ZNF454: variants seen among roughly 807,000 people sequenced by gnomAD.
ZNF454 encodes the protein zinc finger protein 454.
ZNF454 carries 30 observed loss-of-function variants against 48.2 expected under a neutral mutation model. That is an observed-to-expected ratio of 0.62 (90% CI 0.47 to 0.84). The LOEUF is 0.84. ZNF454 is among the 40% of genes least tolerant of loss of function. ZNF454 has a pLI of 0.00. For synonymous variants in ZNF454, 204 were observed against 211.4 expected, an observed-to-expected ratio of 0.97 and a Z score of 0.30; for missense variants, 510 against 623.1, an observed-to-expected ratio of 0.82 and a Z score of 1.93.
rs186095133 is a variant in ZNF454 at position 178,955,804 on chromosome 5, G to A, written c.250+8818G>A. ...GAAGTCTTCTGGGCCAGGAGCAGAA[G>A]ACTTGTGGGACAGTTTTAAACTGCA... is the stretch of plus-strand genomic sequence containing the variant. On this transcript the variant is annotated intron_variant, in intron 4 of 4. Transcript: ENST00000519564. 1.1e-3 allele frequency among the ~76,000 whole-genome samples: 174 copies of A among 152,300 alleles called. 1 individual carries two copies. Among genetic ancestry groups the A allele is most frequent in the African/African-American group, 4.1e-3 (170 of 41,552 alleles).
the ZNF454 span, chr5:178,985,609 A>G: frequency 8.5e-5 from 30 of 354,190 alleles, no homozygotes; most frequent in Non-Finnish European, 1.3e-4. Flanking sequence ...AGGCTGAGGC[A>G]GGAGAATGGC....
chr5:178,988,077 A>G, the ZNF454 span, among the ~76,000 whole-genome samples: 1 of 152,222 alleles, frequency 6.6e-6, no homozygotes, highest in Non-Finnish European at 1.5e-5. The surrounding 1 kb of genome is among the most constrained non-coding windows in gnomAD (Gnocchi z 6.0). Context: ...ATTTAATATC[A>G]CTGAACTCTA....
chr5:178,984,264 C>T, the ZNF454 span, among the ~76,000 whole-genome samples: 1 of 146,880 alleles, frequency 6.8e-6, no homozygotes, highest in Non-Finnish European at 1.5e-5. Context: ...ACAGATGCCG[C>T]AGCCCGTGGA....
the ZNF454 span, chr5:178,985,711 A>G: frequency 2.4e-6 from 1 of 416,846 alleles, no homozygotes. Context: ...TAAAAAAAAA[A>G]AAACAAAACA....
At chr5:178,984,277 G>A in the ZNF454 span, among the ~76,000 whole-genome samples, 1 of 118,740 alleles carries the variant, frequency 8.4e-6, no homozygotes, top group Non-Finnish European at 2.0e-5. Context: ...CCCGTGGAGT[G>A]GGGAGCGAGC....
At chr5:178,955,732 G>T (rs891370945) in intron 4 of ZNF454, among the ~76,000 whole-genome samples, 19 of 152,186 alleles carry the variant, frequency 1.2e-4, no homozygotes, top group African/African-American at 4.6e-4. Context: ...GGGAAAATTT[G>T]TGTCAAAATG....
At chr5:178,983,007 T>A in the ZNF454 span, 1 of 1,614,104 alleles carries the variant, frequency 6.2e-7, no homozygotes, top group Admixed American at 1.7e-5. Context: ...CTTGGCCTCG[T>A]TGAAGGTCTC....
chr5:178,969,916 G>A (rs4700760), downstream of ZNF454, among the ~76,000 whole-genome samples: 150,640 of 152,298 alleles, frequency 0.99, 74,527 homozygotes, highest in East Asian at 1. Flanking sequence ...TCCTCTGCCC[G>A]TCTCCTGCCG....
chr5:178,985,802 C>T, the ZNF454 span: 1 of 518,958 alleles, frequency 1.9e-6, no homozygotes, highest in Admixed American at 2.6e-5. Flanking sequence ...TACTCTGACA[C>T]CCAAGCTGGA....
chr5:178,982,974 G>T, the ZNF454 span: 4 of 1,614,208 alleles, frequency 2.5e-6, no homozygotes, highest in Admixed American at 5.0e-5. Flanking sequence ...GATGCAGGTG[G>T]TGTACATGGT....
At chr5:178,948,735 G>T (rs1018786308) in intron 4 of ZNF454, among the ~76,000 whole-genome samples, 1 of 151,910 alleles carries the variant, frequency 6.6e-6, no homozygotes, top group Non-Finnish European at 1.5e-5. Context: ...TATGTCTCAA[G>T]AAAGTTTTAT....
chr5:178,951,095 T>C lies in ZNF454; in HGVS notation c.250+4109T>C, dbSNP rs559609116. On this transcript the variant is annotated intron_variant, in intron 4 of 4. Coordinates refer to ENST00000519564, the MANE Select transcript of ZNF454 (RefSeq NM_001178089.3). ...AGATGCTCTCGATCTCCTGACCTTG[T>C]GATCCGCCCACCTCGGCCTCCCAAA... 5.9e-5 allele frequency among the ~76,000 whole-genome samples: 9 copies of C among 152,222 alleles called. No homozygotes were observed. The South Asian group carries it at 1.9e-3, about 32-fold the overall frequency.
At chr5:178,974,387 T>C in the ZNF454 span, among the ~76,000 whole-genome samples, 1 of 152,138 alleles carries the variant, frequency 6.6e-6, no homozygotes. Flanking sequence ...GGCGCGATCT[T>C]GGCTCACTGC....
intron 4 of ZNF454, among the ~76,000 whole-genome samples, chr5:178,956,197 A>G (rs182779614): frequency 6.6e-6 from 1 of 152,304 alleles, no homozygotes; most frequent in East Asian, 1.9e-4. Context: ...TTTCAAAAAT[A>G]AGCTCTTATT....
intron 1 of ZNF454, chr5:178,942,447 T>C: frequency 3.9e-6 from 1 of 256,756 alleles, no homozygotes; most frequent in Non-Finnish European, 7.4e-6. Flanking sequence ...GATCGCTCAG[T>C]GAGGCTGAAG....
chr5:178,977,427 G>A, the ZNF454 span: 2 of 456,302 alleles, frequency 4.4e-6, no homozygotes, highest in Non-Finnish European at 8.8e-6. Flanking sequence ...TCTTGCTCTT[G>A]GACTTTCCAG....
chr5:178,970,684 A>G (rs186051683), downstream of ZNF454, among the ~76,000 whole-genome samples: 149 of 150,752 alleles, frequency 9.9e-4, no homozygotes, highest in African/African-American at 3.2e-3. Flanking sequence ...CTGGTCTTGA[A>G]CTCCTGACCT....
At chr5:178,985,942 T>C in the ZNF454 span, among the ~76,000 whole-genome samples, 19 of 152,252 alleles carry the variant, frequency 1.2e-4, no homozygotes, top group Non-Finnish European at 2.2e-4. Flanking sequence ...TCATATTTTT[T>C]GCAGAGACAG....
the ZNF454 span, chr5:178,982,942 T>A: frequency 1.2e-6 from 2 of 1,614,128 alleles, no homozygotes; most frequent in Non-Finnish European, 1.7e-6. Context: ...CCAAAGAAGA[T>A]GGGCACGAAT....
Sources: gnomAD v4.1 joint callset for allele counts (sites outside exome capture counted in the v4.1 genomes callset) on GRCh38, gnomAD v4.1.1 for gene constraint, Gnocchi (gnomAD v3.1) non-coding constraint, MANE v1.5 for transcripts, NCBI Gene and HGNC (gene_info 2026-07-23, HGNC 2026-07-21) for gene names.